Variants in AGBL1 observed in about 807,000 individuals in gnomAD.
AGBL1 encodes AGBL carboxypeptidase 1.
Under a neutral mutation model 118.9 loss-of-function variants are expected in AGBL1, and 130 were observed. The observed-to-expected ratio is 1.09, with a 90% CI of 0.95 to 1.26. The LOEUF is 1.26. Ranked by LOEUF, AGBL1 falls within the 50% of genes most tolerant of loss-of-function variation. The probability of loss-of-function intolerance (pLI) is 0.00; values close to 1 mark genes in which losing one functional copy is unlikely to be tolerated. For synonymous variants in AGBL1, 555 were observed against 478.9 expected (o/e 1.16, Z -2.08); for missense variants, 1,584 against 1,298.1 (o/e 1.22, Z -3.38).
intron 24 of AGBL1, among the ~76,000 whole-genome samples, chr15:87,022,095 G>A (rs2081670563): frequency 6.6e-6 from 1 of 152,044 alleles, no homozygotes; most frequent in African/African-American, 2.4e-5. Context: ...AGGAAAAGGG[G>A]GAGAGTACTA....
chr15:87,020,864 G>GA (rs2081657596), intron 24 of AGBL1, among the ~76,000 whole-genome samples: 1 of 151,986 alleles, frequency 6.6e-6, no homozygotes, highest in East Asian at 1.9e-4. Context: ...TAAATAAACA[G>GA]AAAAACATTC....
chr15:86,090,624 T>A (rs148867989), intron 1 of AGBL1, among the ~76,000 whole-genome samples: 2 of 152,352 alleles, frequency 1.3e-5, no homozygotes, highest in African/African-American at 4.8e-5. Flanking sequence ...TTTAAATAAA[T>A]AGAAGTACGT....
intron 18 of AGBL1, among the ~76,000 whole-genome samples, chr15:86,451,961 T>C (rs2142070827): frequency 6.6e-6 from 1 of 152,244 alleles, no homozygotes; most frequent in South Asian, 2.1e-4. Context: ...TTACCAACAT[T>C]GATGATTTTA....
intron 22 of AGBL1, among the ~76,000 whole-genome samples, chr15:86,855,010 A>T (rs2141467267): frequency 6.6e-6 from 1 of 152,202 alleles, no homozygotes; most frequent in East Asian, 1.9e-4. Context: ...CATGCAGAGG[A>T]GATGAGAAAC....
intron 18 of AGBL1, among the ~76,000 whole-genome samples, chr15:86,471,266 T>C (rs2082475254): frequency 6.6e-6 from 1 of 152,200 alleles, no homozygotes; most frequent in African/African-American, 2.4e-5. Context: ...GCATGTTGAA[T>C]TTTGTCAAAT....
At position 86,667,252 on chromosome 15, in the gene AGBL1, A is replaced by T. The variant is rs1214950190; in HGVS notation, c.2995-7021A>T. 4.9e-5 allele frequency among the ~76,000 whole-genome samples: 7 copies of T among 141,702 alleles called. No individual in the cohort carries two copies. The East Asian group carries it at 1.4e-3, about 28-fold the overall frequency. The allele number at this position is 141,702 out of a possible 152,430, so 93.0% of individuals were successfully genotyped here. A position where few individuals can be genotyped will look rare whatever the true frequency, so the allele number is the denominator to read the frequency against. ...TATGTATGTATGTATGTATGTATGTATGTATCTATCTATCTATCTGTCTAT... is the reference window on the plus strand; with the variant it reads ...TATGTATGTATGTATGTATGTATGTTTGTATCTATCTATCTATCTGTCTAT... On this transcript the variant is annotated intron_variant, in intron 21 of 22. Transcript: ENST00000614907.
At chr15:86,861,309 C>G (rs2079556660) in intron 22 of AGBL1, among the ~76,000 whole-genome samples, 1 of 152,112 alleles carries the variant, frequency 6.6e-6, no homozygotes, top group Non-Finnish European at 1.5e-5. Context: ...AGCTTGAAAT[C>G]CAGCAGCTAC....
chr15:86,871,390 T>A (rs1287878989), intron 22 of AGBL1, among the ~76,000 whole-genome samples: 5 of 152,162 alleles, frequency 3.3e-5, no homozygotes, highest in Non-Finnish European at 7.3e-5. Flanking sequence ...ATGAACTCCT[T>A]GACCTGCCAT....
At chr15:86,269,317 G>C (rs772457491) in intron 13 of AGBL1, among the ~76,000 whole-genome samples, 1 of 152,172 alleles carries the variant, frequency 6.6e-6, no homozygotes, top group Non-Finnish European at 1.5e-5. Flanking sequence ...AGCACCTCAA[G>C]TTTAGACACT....
At position 86,323,454 on chromosome 15, in the gene AGBL1, G is replaced by A. The variant is rs377762375; in HGVS notation, c.2374+28046G>A. ...CAACTAACTTCATTCTAAGGTGGCT[G>A]TGTAAGCCTCAGTATTGTGCATTGT... is the stretch of plus-strand genomic sequence containing the variant. On this transcript the variant is annotated intron_variant, in intron 17 of 22. Transcript: ENST00000614907. Among the ~76,000 whole-genome samples the A allele has an allele frequency of 5.3e-5, 8 of 152,098 alleles. No individual in the cohort carries two copies. In the East Asian group the frequency reaches 9.7e-4, roughly 18 times the overall value.
At chr15:86,314,580 G>A (rs1411586315) in intron 17 of AGBL1, among the ~76,000 whole-genome samples, 1 of 152,102 alleles carries the variant, frequency 6.6e-6, no homozygotes, top group Non-Finnish European at 1.5e-5. Context: ...TAGGACCTGG[G>A]CTTAATTTTA....
intron 22 of AGBL1, among the ~76,000 whole-genome samples, chr15:86,709,877 A>G (rs773830977): frequency 7.2e-5 from 11 of 152,176 alleles, no homozygotes; most frequent in Non-Finnish European, 1.5e-4. Flanking sequence ...GAAATGTACT[A>G]AATCTCCTAA....
intron 22 of AGBL1, among the ~76,000 whole-genome samples, chr15:86,873,010 A>G (rs2079751980): frequency 6.6e-6 from 1 of 152,190 alleles, no homozygotes; most frequent in Non-Finnish European, 1.5e-5. Flanking sequence ...TTAGAGAGGA[A>G]TCTGGCATCT....
chr15:86,519,607 C>T (rs1192027146), intron 18 of AGBL1, among the ~76,000 whole-genome samples: 1 of 152,136 alleles, frequency 6.6e-6, no homozygotes, highest in Non-Finnish European at 1.5e-5. Flanking sequence ...ATTATAATAA[C>T]CTGCATTTGC....
intron 17 of AGBL1, among the ~76,000 whole-genome samples, chr15:86,379,920 AG>A (rs2081089256): frequency 6.6e-6 from 1 of 152,234 alleles, no homozygotes; most frequent in Non-Finnish European, 1.5e-5. Flanking sequence ...GATTCATAGC[AG>A]GGTGCTTCAA....
intron 21 of AGBL1, among the ~76,000 whole-genome samples, chr15:86,634,836 C>T (rs1215941567): frequency 1.3e-5 from 2 of 152,124 alleles, no homozygotes; most frequent in Admixed American, 6.6e-5. Context: ...TGTTCCGTTT[C>T]ATTTGCATTA....
intron 18 of AGBL1, among the ~76,000 whole-genome samples, chr15:86,404,748 A>G (rs949407715): frequency 2.6e-5 from 4 of 152,124 alleles, no homozygotes; most frequent in Admixed American, 6.5e-5. Context: ...AATCTGGGAG[A>G]TGTGATGCTG....
intron 22 of AGBL1, among the ~76,000 whole-genome samples, chr15:86,838,010 C>T (rs1019957324): frequency 6.6e-6 from 1 of 152,174 alleles, no homozygotes; most frequent in African/African-American, 2.4e-5. Flanking sequence ...ATTGCAATTA[C>T]AGGTTTTAAT....
At chr15:86,758,564 C>T (rs972131604) in intron 22 of AGBL1, among the ~76,000 whole-genome samples, 6 of 151,970 alleles carry the variant, frequency 3.9e-5, no homozygotes, top group South Asian at 2.1e-4. Flanking sequence ...CTTAGGTGCT[C>T]GATAAGCATC....
Sources: allele counts gnomAD v4.1 joint callset (sites outside exome capture counted in the v4.1 genomes callset), GRCh38; gene constraint gnomAD v4.1.1; transcripts MANE v1.5; gene names NCBI Gene and HGNC (gene_info 2026-07-23, HGNC 2026-07-21).